ERC2: variants seen among roughly 807,000 people sequenced by gnomAD.
ERC2 encodes ELKS/RAB6-interacting/CAST family member 2, also known as ERC protein 2.
ERC2 carries 42 observed loss-of-function variants against 114.8 expected under a neutral mutation model. That is an observed-to-expected ratio of 0.37 (90% CI 0.29 to 0.47). The LOEUF (loss-of-function observed/expected upper bound fraction) is 0.47, where lower values mean the gene tolerates loss of function less well. Among genes scored for constraint, ERC2 ranks in the 20% least tolerant of loss-of-function variants. The pLI, the probability that ERC2 is intolerant of heterozygous loss-of-function variation, is 0.99. For missense variants in ERC2, 939 were observed against 1,150.7 expected, an observed-to-expected ratio of 0.82 and a Z score of 2.66; for synonymous variants, 454 against 425.5, an observed-to-expected ratio of 1.07 and a Z score of -0.82.
chr3:55,976,564 C>T (rs1481500102), intron 12 of ERC2, among the ~76,000 whole-genome samples: 1 of 152,144 alleles, frequency 6.6e-6, no homozygotes, highest in Non-Finnish European at 1.5e-5. Flanking sequence ...TAAGACAGGT[C>T]CTTTCTAGAT....
intron 12 of ERC2, among the ~76,000 whole-genome samples, chr3:55,959,026 T>C (rs2068174454): frequency 6.6e-6 from 1 of 152,084 alleles, no homozygotes; most frequent in African/African-American, 2.4e-5. Context: ...GCCTCCCCAC[T>C]GCAGCCAGTA....
intron 3 of ERC2, among the ~76,000 whole-genome samples, chr3:56,182,555 C>A (rs2083345586): frequency 6.6e-6 from 1 of 152,196 alleles, no homozygotes; most frequent in Non-Finnish European, 1.5e-5. Flanking sequence ...CCCAAAATAA[C>A]CTCCCTAAGT....
intron 13 of ERC2, among the ~76,000 whole-genome samples, chr3:55,888,992 C>T (rs2063488200): frequency 6.6e-6 from 1 of 152,198 alleles, no homozygotes; most frequent in South Asian, 2.1e-4. Flanking sequence ...CTCCAAGGTC[C>T]TTGTTCAATT....
At chr3:55,745,121 C>CT (rs2066225910) in intron 14 of ERC2, among the ~76,000 whole-genome samples, 1 of 152,204 alleles carries the variant, frequency 6.6e-6, no homozygotes, top group Non-Finnish European at 1.5e-5. Context: ...ATTTGACTTT[C>CT]ATGAGTTGAC....
chr3:56,314,905 C>T (rs1460380534), intron 2 of ERC2, among the ~76,000 whole-genome samples: 3 of 152,200 alleles, frequency 2.0e-5, no homozygotes, highest in African/African-American at 7.2e-5. Flanking sequence ...TCCCTTCTAG[C>T]TCCATGTACC....
At chr3:55,525,514 G>A (rs1026984731) in intron 17 of ERC2, among the ~76,000 whole-genome samples, 2 of 152,224 alleles carry the variant, frequency 1.3e-5, no homozygotes, top group Admixed American at 6.5e-5. Context: ...TGAGATGTGA[G>A]GGGTGGTGAG....
chr3:56,216,773 C>T (rs1045022689), intron 3 of ERC2, among the ~76,000 whole-genome samples: 3 of 152,186 alleles, frequency 2.0e-5, no homozygotes, highest in Non-Finnish European at 4.4e-5. Context: ...TCCAGCAGCA[C>T]ATCAAAAAGC....
At chr3:55,804,064 T>C (rs924123853) in intron 14 of ERC2, among the ~76,000 whole-genome samples, 11 of 152,208 alleles carry the variant, frequency 7.2e-5, no homozygotes, top group Admixed American at 6.5e-5. Context: ...TATCTTGCAG[T>C]GGTTCTCAAA....
At chr3:55,952,165 ACACACACACACACACTCTCTCTCTCT>A (rs1361261315) in intron 12 of ERC2, among the ~76,000 whole-genome samples, 31 of 85,874 alleles carry the variant, frequency 3.6e-4, no homozygotes, top group African/African-American at 5.6e-4. Flanking sequence ...ACACACACAC[ACACACACACACACACTCTCTCTCTCT>A]CTCTCTCTAT....
chr3:56,038,975 G>A (rs888578085), intron 7 of ERC2, among the ~76,000 whole-genome samples: 3 of 152,166 alleles, frequency 2.0e-5, no homozygotes, highest in Non-Finnish European at 4.4e-5. Context: ...AATAGCTAAT[G>A]TGTGCTGGGC....
intron 2 of ERC2, among the ~76,000 whole-genome samples, chr3:56,371,582 A>T (rs1457420572): frequency 1.3e-5 from 2 of 152,244 alleles, no homozygotes; most frequent in African/African-American, 4.8e-5. Context: ...ACACACAGTT[A>T]AAAATGGCAG....
intron 3 of ERC2, among the ~76,000 whole-genome samples, chr3:56,261,817 A>AAC (rs2052948869): frequency 6.6e-6 from 1 of 152,062 alleles, no homozygotes; most frequent in Non-Finnish European, 1.5e-5. Flanking sequence ...CTGAGGTATT[A>AAC]CGTCTAGTAT....
intron 14 of ERC2, among the ~76,000 whole-genome samples, chr3:55,771,384 C>T (rs926279896): frequency 2.6e-5 from 4 of 152,146 alleles, no homozygotes; most frequent in African/African-American, 9.7e-5. Flanking sequence ...TACTAGGTAC[C>T]TTATGTGCAT....
chr3:56,238,638 A>G (rs963399246), intron 3 of ERC2, among the ~76,000 whole-genome samples: 4 of 152,190 alleles, frequency 2.6e-5, no homozygotes, highest in Admixed American at 2.6e-4. Flanking sequence ...AGGCAGGCAT[A>G]GCTTAATTGG....
intron 2 of ERC2, among the ~76,000 whole-genome samples, chr3:56,423,038 T>G: frequency 6.6e-6 from 1 of 152,248 alleles, no homozygotes; most frequent in East Asian, 1.9e-4. Flanking sequence ...CCTTACAAGA[T>G]TGACACCTAT....
At chr3:56,152,472 TG>T (rs2081471452) in intron 4 of ERC2, among the ~76,000 whole-genome samples, 1 of 151,800 alleles carries the variant, frequency 6.6e-6, no homozygotes, top group Admixed American at 6.6e-5. Flanking sequence ...CACTCAAAAG[TG>T]GTTTACTGAG....
chr3:56,115,775 T>C (rs1018168658), intron 6 of ERC2, among the ~76,000 whole-genome samples: 2 of 151,912 alleles, frequency 1.3e-5, no homozygotes, highest in Non-Finnish European at 2.9e-5. Context: ...AGCTAGCCAA[T>C]TCCTAGAGAT....
chr3:56,282,443 TG>T (rs1288803880), intron 3 of ERC2, among the ~76,000 whole-genome samples: 1 of 151,894 alleles, frequency 6.6e-6, no homozygotes, highest in Non-Finnish European at 1.5e-5. Flanking sequence ...GGAAAGGAAT[TG>T]GGTGGGAAGA....
intron 17 of ERC2, among the ~76,000 whole-genome samples, chr3:55,519,026 T>C (rs1395234834): frequency 6.6e-6 from 1 of 152,154 alleles, no homozygotes; most frequent in Non-Finnish European, 1.5e-5. Context: ...TGGGGGCTGA[T>C]CCAACAAACA....
Sources: allele counts gnomAD v4.1 joint callset (sites outside exome capture counted in the v4.1 genomes callset), GRCh38; gene constraint gnomAD v4.1.1; transcripts MANE v1.5; gene names NCBI Gene and HGNC (gene_info 2026-07-23, HGNC 2026-07-21).